The following SAV1 variants were observed in gnomAD, a reference collection of about 807,000 sequenced individuals.
The protein encoded by SAV1 is protein salvador homolog 1.
SAV1 carries 23 observed loss-of-function variants against 47.3 expected under a neutral mutation model. The observed-to-expected ratio is 0.49, with a 90% CI of 0.35 to 0.69. The LOEUF is 0.69. Ranked by LOEUF, SAV1 falls within the 30% of genes least tolerant of loss-of-function variation. The probability of loss-of-function intolerance (pLI) is 0.01; values close to 1 mark genes in which losing one functional copy is unlikely to be tolerated. For missense variants in SAV1, 448 were observed against 457.4 expected (o/e 0.98, Z 0.19); for synonymous variants, 155 against 159.2 (o/e 0.97, Z 0.20).
intron 1 of SAV1, chr14:50,667,234 T>C: frequency 5.1e-6 from 1 of 195,316 alleles, no homozygotes; most frequent in Non-Finnish European, 1.1e-5. Flanking sequence ...GAGGGGGGGG[T>C]TCTCTAATAC....
At chr14:50,658,241 C>T (rs1595649683) in intron 2 of SAV1, among the ~76,000 whole-genome samples, 3 of 152,198 alleles carry the variant, frequency 2.0e-5, no homozygotes, top group African/African-American at 7.2e-5. Flanking sequence ...AAAGCTCACA[C>T]TTTTCAGTCT....
chr14:50,649,287 AT>A (rs962272559), intron 2 of SAV1, among the ~76,000 whole-genome samples: 13 of 152,098 alleles, frequency 8.5e-5, no homozygotes, highest in Non-Finnish European at 1.3e-4. Context: ...AACTTATGTA[AT>A]TTTAGTTTGT....
chr14:50,646,685 C>CAA (rs78772724), intron 2 of SAV1, among the ~76,000 whole-genome samples: 5,521 of 76,002 alleles, frequency 0.073, 181 homozygotes, highest in Middle Eastern at 0.096. Flanking sequence ...AACTCTGTCT[C>CAA]AAAAAAAAAA....
chr14:50,647,664 G>GT (rs2039734063), intron 2 of SAV1, among the ~76,000 whole-genome samples: 1 of 152,066 alleles, frequency 6.6e-6, no homozygotes, highest in Admixed American at 6.5e-5. Context: ...ACATATTGAT[G>GT]GTAAATAGCA....
chr14:50,652,484 C>A (rs1233304608), intron 2 of SAV1, among the ~76,000 whole-genome samples: 1 of 152,050 alleles, frequency 6.6e-6, no homozygotes, highest in South Asian at 2.1e-4. Context: ...AGGACTGAGG[C>A]AGAAAATGCA....
chr14:50,660,686 C>T (rs529671562), intron 2 of SAV1, among the ~76,000 whole-genome samples: 6 of 152,316 alleles, frequency 3.9e-5, no homozygotes, highest in Non-Finnish European at 7.3e-5. Context: ...ACTCTGCTAT[C>T]AAACCTTAGA....
rs2140249187 is a variant in SAV1 at position 50,640,912 on chromosome 14, C to T, written c.807-19G>A. ...AGGTACACTAAGAAGAAAGGAGTGACATTCTTTAGGATAAAGGTCTTAAAA... is the reference window on the plus strand; with the variant it reads ...AGGTACACTAAGAAGAAAGGAGTGATATTCTTTAGGATAAAGGTCTTAAAA... On this transcript the variant is annotated intron_variant, in intron 3 of 4. Coordinates refer to ENST00000324679, the MANE Select transcript of SAV1 (RefSeq NM_021818.4). 1 of 1,582,696 alleles carries T rather than the reference C, an allele frequency of 6.3e-7. No homozygotes were observed.
intron 4 of SAV1, chr14:50,637,689 T>TTTTTTTA (rs2039647509): frequency 8.0e-6 from 1 of 124,294 alleles, no homozygotes; most frequent in African/African-American, 3.2e-5. Context: ...TTTTTTTTTT[T>TTTTTTTA]AAGAGATGAA....
chr14:50,654,444 ACTT>A (rs1439891971), intron 2 of SAV1, among the ~76,000 whole-genome samples: 1 of 152,218 alleles, frequency 6.6e-6, no homozygotes, highest in African/African-American at 2.4e-5. Context: ...ATCAGGCTCC[ACTT>A]CTTATTTTAG....
In SAV1 at chr14:50,668,196, A is replaced by T. The variant is rs1212477175; in HGVS notation, c.-229T>A. The stretch of plus-strand genomic sequence containing the variant: ...AGTCGCTGGTCAGTTCCTTCCCGGA[A>T]GTCGGCCCGCTCTGCGACGCTGCTC... On this transcript the variant is annotated 5_prime_UTR_variant, in exon 1 of 5. Coordinates refer to ENST00000324679, the MANE Select transcript of SAV1 (RefSeq NM_021818.4). 25 of 260,766 alleles carry T rather than the reference A, an allele frequency of 9.6e-5. No homozygotes were observed. The highest frequency in any genetic ancestry group is 1.4e-4 in the Non-Finnish European group (20 of 139,676). The allele number at this position is 260,766 out of a possible 1,614,324, so 16.2% of individuals were successfully genotyped here.
At chr14:50,640,944 C>G (rs773888249) in intron 3 of SAV1, 51 bp from the exon 4 acceptor site, 1 of 1,506,376 alleles carries the variant, frequency 6.6e-7, no homozygotes. Flanking sequence ...AAAATCTAAA[C>G]AAGAAATTAT....
chr14:50,636,510 T>G (rs1238185623), intron 4 of SAV1, among the ~76,000 whole-genome samples: 1 of 152,188 alleles, frequency 6.6e-6, no homozygotes, highest in African/African-American at 2.4e-5. Flanking sequence ...TGGTGAAGGA[T>G]TCACAAAAGA....
In SAV1 at chr14:50,642,253, G is replaced by A. The variant is rs2883950; in HGVS notation, c.807-1360C>T. ...GATTGAAAACTACCTATCAGGGACC[G>A]GGCGTGATGGCTCACACCTGAGGTC... On this transcript the variant is annotated intron_variant, in intron 3 of 4. Transcript: ENST00000324679. Among the ~76,000 whole-genome samples, 1,336 of 152,102 alleles carry A rather than the reference G, an allele frequency of 8.8e-3. 28 individuals carry two copies. Among genetic ancestry groups the A allele is most frequent in the African/African-American group, 0.03 (1,226 of 41,500 alleles).
chr14:50,644,539 G>C lies in SAV1; in HGVS notation c.806+205C>G, dbSNP rs112990382. The stretch of plus-strand genomic sequence containing the variant: ...TAAGAACAATGATCTTGTTTTTGAG[G>C]TTTTTTTAAAGAGAAAAGTATTTTT... On this transcript the variant is annotated intron_variant, in intron 3 of 4. Transcript: ENST00000324679. Among the ~76,000 whole-genome samples the C allele has an allele frequency of 2.0e-5, 3 of 149,986 alleles. 1 individual carries two copies. The highest frequency in any genetic ancestry group is 7.5e-5 in the African/African-American group (3 of 40,212).
At chr14:50,659,318 A>G (rs1266727571) in intron 2 of SAV1, among the ~76,000 whole-genome samples, 1 of 152,206 alleles carries the variant, frequency 6.6e-6, no homozygotes, top group Non-Finnish European at 1.5e-5. Context: ...TATCTGGCCT[A>G]TGGGTGTAGC....
rs1159957031 is a variant in SAV1 at position 50,668,027 on chromosome 14, C to CCGGCCGT, written c.-67_-61dup. 7.8e-7 allele frequency: 1 copy of CCGGCCGT among 1,281,624 alleles called. No homozygotes were observed. The allele number at this position is 1,281,624 out of a possible 1,614,324, so 79.4% of individuals were successfully genotyped here. ...CCTCCCTAGGGCTCCGCGCCGGGCG[C>CCGGCCGT]CGGCCGTCTCCGCCGCCACCTCCGC... is the stretch of plus-strand genomic sequence containing the variant. On this transcript the variant is annotated 5_prime_UTR_variant, in exon 1 of 5. An upstream open reading frame in the 5' UTR loses its in-frame stop. Transcript: ENST00000324679.
At position 50,665,567 on chromosome 14, in the gene SAV1, A is replaced by AT; in HGVS notation, c.146dup (p.Asp49GlufsTer10). 1 of 1,613,742 alleles carries AT rather than the reference A, an allele frequency of 6.2e-7. No homozygotes were observed. The highest frequency in any genetic ancestry group is 8.5e-7 in the Non-Finnish European group (1 of 1,179,834). On this transcript the variant is annotated frameshift_variant, in exon 2 of 5. Coordinates refer to ENST00000324679, the MANE Select transcript of SAV1 (RefSeq NM_021818.4). LOFTEE classifies it high-confidence loss of function. ...TAGGGCTTGAATCTGGAAGACAGAT[A>AT]TCAGTTCGTCTTGGAATTGTTGGAC...
chr14:50,648,002 A>G (rs1490651201), intron 2 of SAV1, among the ~76,000 whole-genome samples: 1 of 152,268 alleles, frequency 6.6e-6, no homozygotes, highest in Non-Finnish European at 1.5e-5. Context: ...GGATATTTAC[A>G]ATGACTGTAT....
chr14:50,664,070 T>A (rs1216019092), intron 2 of SAV1, among the ~76,000 whole-genome samples: 1 of 152,224 alleles, frequency 6.6e-6, no homozygotes, highest in Non-Finnish European at 1.5e-5. Context: ...CTTTAAGTAT[T>A]CCAGCCTATA....
Sources: gnomAD v4.1 joint callset for allele counts (sites outside exome capture counted in the v4.1 genomes callset) on GRCh38, gnomAD v4.1.1 for gene constraint, MANE v1.5 for transcripts, NCBI Gene and HGNC (gene_info 2026-07-23, HGNC 2026-07-21) for gene names.